Variants in RFX7 observed in about 807,000 individuals in gnomAD.
RFX7 encodes the protein DNA-binding protein RFX7.
A neutral mutation model predicts 111.8 loss-of-function variants in RFX7; 26 were observed. That is an observed-to-expected ratio of 0.23 (90% CI 0.17 to 0.32). RFX7 has a LOEUF of 0.32. Ranked by LOEUF, RFX7 falls within the 10% of genes least tolerant of loss-of-function variation. RFX7 has a pLI of 1.00. For synonymous variants in RFX7, 624 were observed against 624.4 expected (o/e 1.00, Z 0.01); for missense variants, 1,573 against 1,772.9 (o/e 0.89, Z 2.02).
At chr15:56,226,554 A>C (rs1043266506) in intron 2 of RFX7, among the ~76,000 whole-genome samples, 1 of 152,186 alleles carries the variant, frequency 6.6e-6, no homozygotes, top group Non-Finnish European at 1.5e-5. Context: ...AAGACTGGGC[A>C]CTTAATTTCA....
At chr15:56,193,690 C>T (rs2043120741) in intron 2 of RFX7, among the ~76,000 whole-genome samples, 1 of 151,916 alleles carries the variant, frequency 6.6e-6, no homozygotes, top group Non-Finnish European at 1.5e-5. Context: ...AGTCATATTA[C>T]CAGAATGTTA....
At chr15:56,111,515 G>A (rs1318295265) in intron 5 of RFX7, among the ~76,000 whole-genome samples, 4 of 151,338 alleles carry the variant, frequency 2.6e-5, no homozygotes, top group Non-Finnish European at 5.9e-5. Flanking sequence ...CACTGAGGAA[G>A]GCCGCAGGGT....
chr15:56,109,717 G>A (rs2041884849), intron 5 of RFX7, among the ~76,000 whole-genome samples: 1 of 151,810 alleles, frequency 6.6e-6, no homozygotes. Flanking sequence ...GGGATGTGAG[G>A]AGCGTCTCTG....
intron 5 of RFX7, among the ~76,000 whole-genome samples, chr15:56,119,776 CAAAAAA>C (rs1207159378): frequency 1.5e-5 from 1 of 65,276 alleles, no homozygotes. Flanking sequence ...CACTGTGTCT[CAAAAAA>C]AAAAAAAAAA....
intron 2 of RFX7, among the ~76,000 whole-genome samples, chr15:56,213,595 C>G (rs2043333788): frequency 6.6e-6 from 1 of 152,106 alleles, no homozygotes; most frequent in African/African-American, 2.4e-5. Flanking sequence ...GTGACAAAAA[C>G]GTTTTGTCTT....
rs375675859 is a variant in RFX7, at chr15:56,141,795, G to A, written c.401+983C>T. ...TGTTGTAGACTGAATGAATGAACAA[G>A]TTGGATCACATGCACTCTCAGTTTT... On this transcript the variant is annotated intron_variant, in intron 5 of 9. Coordinates refer to ENST00000559447, the MANE Select transcript of RFX7 (RefSeq NM_022841.7). 1.3e-5 allele frequency among the ~76,000 whole-genome samples: 2 copies of A among 151,202 alleles called. 1 individual carries two copies.
intron 3 of RFX7, among the ~76,000 whole-genome samples, chr15:56,152,996 C>A (rs989414534): frequency 5.9e-5 from 9 of 152,128 alleles, no homozygotes; most frequent in African/African-American, 1.9e-4. Flanking sequence ...TACAGCCTCC[C>A]AAGTCTAAGC....
intron 2 of RFX7, among the ~76,000 whole-genome samples, chr15:56,223,995 C>T (rs2043453770): frequency 6.6e-6 from 1 of 151,672 alleles, no homozygotes; most frequent in Admixed American, 6.6e-5. Flanking sequence ...ACAGTAAAAT[C>T]CTGGCGTAAT....
intron 3 of RFX7, among the ~76,000 whole-genome samples, chr15:56,155,190 A>T (rs2141063545): frequency 6.6e-6 from 1 of 152,366 alleles, no homozygotes; most frequent in East Asian, 1.9e-4. Context: ...AGTGTAAATT[A>T]GTTCAACCAT....
rs1207646486 is a variant in RFX7, at chr15:56,092,821, A to G, written c.*524T>C. ...GGTGTAAATGGTACTGAAGCCCCAG[A>G]AAGTCCTACAGAGATTTTTCACCCT... On this transcript the variant is annotated 3_prime_UTR_variant, in exon 10 of 10. Coordinates refer to ENST00000559447, the MANE Select transcript of RFX7 (RefSeq NM_022841.7). 6.5e-6 allele frequency: 1 copy of G among 152,694 alleles called. No homozygotes were observed. Among genetic ancestry groups the G allele is most frequent in the East Asian group, 1.9e-4 (1 of 5,190 alleles). The allele number at this position is 152,694 out of a possible 1,614,324, so 9.5% of individuals were successfully genotyped here.
At chr15:56,122,791 A>T (rs534528724) in intron 5 of RFX7, among the ~76,000 whole-genome samples, 1 of 152,014 alleles carries the variant, frequency 6.6e-6, no homozygotes, top group Non-Finnish European at 1.5e-5. Flanking sequence ...TAGTCAGAGG[A>T]GTCTCCCCGT....
intron 5 of RFX7, among the ~76,000 whole-genome samples, chr15:56,106,749 T>A (rs2041835338): frequency 6.6e-6 from 1 of 152,204 alleles, no homozygotes; most frequent in Non-Finnish European, 1.5e-5. Context: ...ATGATTCTTT[T>A]AAAAATCTAA....
In RFX7 at chr15:56,095,249, G is replaced by A; in HGVS notation, c.2479C>T (p.Pro827Ser). 6.2e-7 allele frequency: 1 copy of A among 1,613,716 alleles called. No individual in the cohort carries two copies. Among genetic ancestry groups the A allele is most frequent in the Non-Finnish European group, 8.5e-7 (1 of 1,179,678 alleles). The change falls in exon 10 of 10, where the codon CCA becomes TCA. Residue 827 changes from proline to serine, a missense_variant. Pro to Ser is a moderately conservative substitution (Grantham distance 74, BLOSUM62 -1). This residue lies in a region of RFX7 where 625 missense variants were observed against 632.2 expected (regional missense o/e 0.99). Transcript: ENST00000559447. ...EKSVWELEGMPQDTYSQQLHS... is the reference protein window; with the variant it reads ...EKSVWELEGMSQDTYSQQLHS... ...AGCTGCTGGCTATATGTGTCCTGTG[G>A]CATTCCTTCTAATTCCCAAACAGAT... is the stretch of plus-strand genomic sequence containing the variant.
chr15:56,166,549 T>C (rs1051604349), intron 3 of RFX7, among the ~76,000 whole-genome samples: 3 of 152,150 alleles, frequency 2.0e-5, no homozygotes, highest in African/African-American at 4.8e-5. Flanking sequence ...TGCTAGAAAC[T>C]TGCCCTATAG....
intron 5 of RFX7, among the ~76,000 whole-genome samples, chr15:56,111,190 T>G (rs2041925149): frequency 7.2e-6 from 1 of 138,732 alleles, no homozygotes; most frequent in Non-Finnish European, 1.6e-5. Context: ...ACAATGGCGG[T>G]TTTGTGGAAT....
intron 2 of RFX7, among the ~76,000 whole-genome samples, chr15:56,203,304 T>C (rs2043213266): frequency 6.6e-6 from 1 of 152,202 alleles, no homozygotes; most frequent in African/African-American, 2.4e-5. Context: ...TTCTTCCTAA[T>C]ATCTGTAGGT....
intron 2 of RFX7, among the ~76,000 whole-genome samples, chr15:56,222,218 A>AT (rs1274956365): frequency 6.6e-6 from 1 of 152,176 alleles, no homozygotes; most frequent in African/African-American, 2.4e-5. Flanking sequence ...TCTGATGAGA[A>AT]GTTGGTCTTC....
Position 56,089,846 on chromosome 15 carries a change from A to T in RFX7, c.*3499T>A, listed in dbSNP as rs1023319878. On this transcript the variant is annotated 3_prime_UTR_variant, in exon 10 of 10. Transcript: ENST00000559447. The stretch of plus-strand genomic sequence containing the variant: ...TTGTAATTGCTTCTACCACCTGTTC[A>T]AACTGAGGGCTCCAGATCTATGGTG... 1.4e-4 allele frequency: 22 copies of T among 152,128 alleles called. No individual in the cohort carries two copies. Among genetic ancestry groups the T allele is most frequent in the Admixed American group, 1.3e-3 (20 of 15,252 alleles). 9.4% of individuals were successfully genotyped at this position (152,128 alleles called of 1,614,324 possible). A position where few individuals can be genotyped will look rare whatever the true frequency, so the allele number is the denominator to read the frequency against.
rs555153665 is a variant in RFX7, at chr15:56,151,856, G to A, written c.196-7373C>T. On this transcript the variant is annotated intron_variant, in intron 3 of 9. Transcript: ENST00000559447. ...CACACATAGGCTCAAATAAAGGGAT[G>A]GAGGAAGATCCACCAAGCAAATGGA... 5.3e-5 allele frequency among the ~76,000 whole-genome samples: 8 copies of A among 152,238 alleles called. No individual in the cohort carries two copies. The East Asian group carries it at 1.5e-3, about 29-fold the overall frequency.
Sources: gnomAD v4.1 joint callset for allele counts (sites outside exome capture counted in the v4.1 genomes callset) on GRCh38, gnomAD v4.1.1 for gene constraint, gnomAD v4.1.1 regional missense constraint, MANE v1.5 for transcripts, NCBI Gene and HGNC (gene_info 2026-07-23, HGNC 2026-07-21) for gene names.